HEPACAM2: variants seen among roughly 807,000 people sequenced by gnomAD.
The protein encoded by HEPACAM2 is mitotic kinetics regulator.
Under a neutral mutation model 49.6 loss-of-function variants are expected in HEPACAM2, and 49 were observed. The ratio of observed to expected loss-of-function variants is 0.99; its 90% confidence interval spans 0.78 to 1.25. HEPACAM2 has a LOEUF of 1.25. Among genes scored for constraint, HEPACAM2 ranks in the 50% most tolerant of loss-of-function variants. The pLI is 0.00. For missense variants in HEPACAM2, 525 were observed against 557.2 expected (o/e 0.94, Z 0.58); for synonymous variants, 197 against 202.9 (o/e 0.97, Z 0.25).
intron 4 of HEPACAM2, among the ~76,000 whole-genome samples, chr7:93,199,591 A>G (rs1173917121): frequency 6.6e-6 from 1 of 152,036 alleles, no homozygotes; most frequent in Non-Finnish European, 1.5e-5. Context: ...TGAAAGAGTG[A>G]CTGGCATTTA....
At chr7:93,218,979 A>G in intron 2 of HEPACAM2, 122 bp downstream of exon 2, 1 of 729,398 alleles carries the variant, frequency 1.4e-6, no homozygotes. Context: ...TGAGGCTTTG[A>G]GGATTAATTG....
rs778419540 is a variant in HEPACAM2, at chr7:93,215,631, TACTCCACA to T, written c.477_484del (p.Val160CysfsTer65). The T allele has an allele frequency of 3.1e-6, 5 of 1,613,696 alleles. No individual in the cohort carries two copies. In the South Asian group the frequency reaches 5.5e-5, roughly 18 times the overall value. On this transcript the variant is annotated frameshift_variant, in exon 3 of 10. Coordinates refer to ENST00000394468, the MANE Select transcript of HEPACAM2 (RefSeq NM_001039372.4). LOFTEE classifies it high-confidence loss of function. ...GCATGTCAGGGTCATGTTCCCCACA[TACTCCACA>T]GCCCCAGAGGGAGGATGAATCTGCA...
Position 93,189,081 on chromosome 7 carries a change from G to A in HEPACAM2, c.*186C>T, listed in dbSNP as rs1793471515. The A allele has an allele frequency of 5.7e-6, 3 of 526,180 alleles. No individual in the cohort carries two copies. The highest frequency in any genetic ancestry group is 3.4e-6 in the Non-Finnish European group (1 of 297,272). 32.6% of individuals were successfully genotyped at this position (526,180 alleles called of 1,614,324 possible). ...GTTTTTCTGTTGCACAAGACATTGT[G>A]TATATGCTGAAAAACCTGCAGTTCA... On this transcript the variant is annotated 3_prime_UTR_variant, in exon 10 of 10. Coordinates refer to ENST00000394468, the MANE Select transcript of HEPACAM2 (RefSeq NM_001039372.4).
At chr7:93,198,149 AT>A (rs1368150665) in intron 4 of HEPACAM2, among the ~76,000 whole-genome samples, 1 of 152,150 alleles carries the variant, frequency 6.6e-6, no homozygotes, top group Non-Finnish European at 1.5e-5. Flanking sequence ...AGAAATGTCA[AT>A]TCTTAAAATA....
Position 93,195,960 on chromosome 7 carries a change from TA to T in HEPACAM2, c.1202-60del, listed in dbSNP as rs1045827970. 119 of 1,195,966 alleles carry T rather than the reference TA, an allele frequency of 1.0e-4. No homozygotes were observed. In the African/African-American group the frequency reaches 1.7e-3, roughly 17 times the overall value. 74.1% of individuals were successfully genotyped at this position (1,195,966 alleles called of 1,614,324 possible). On this transcript the variant is annotated intron_variant, in intron 7 of 9. Transcript: ENST00000394468. ...AATGCCTTGATTTGCTGTTGTTTTTTAAACCTTTGTAAAACTTATCTTTATT... is the reference window on the plus strand; with the variant it reads ...AATGCCTTGATTTGCTGTTGTTTTTTAACCTTTGTAAAACTTATCTTTATT...
At chr7:93,196,029 C>T (rs532927097) in intron 7 of HEPACAM2, 128 bp from the exon 8 acceptor site, 57 of 652,722 alleles carry the variant, frequency 8.7e-5, no homozygotes, top group Middle Eastern at 3.0e-4. Context: ...TTTAACATTT[C>T]CTAATTCCTA....
At position 93,188,741 on chromosome 7, in the gene HEPACAM2, C is replaced by A; in HGVS notation, c.*526G>T. 3.2e-6 allele frequency: 1 copy of A among 317,012 alleles called. No homozygotes were observed. The highest frequency in any genetic ancestry group is 5.7e-6 in the Non-Finnish European group (1 of 175,516). 19.6% of individuals were successfully genotyped at this position (317,012 alleles called of 1,614,324 possible). A position where few individuals can be genotyped will look rare whatever the true frequency, so the allele number is the denominator to read the frequency against. On this transcript the variant is annotated 3_prime_UTR_variant, in exon 10 of 10. Transcript: ENST00000394468. ...AGAAGGCATAGTTTTGTTTTTGTGA[C>A]AACCATCCTTATTACTTTGTTGTAC...
At chr7:93,222,812 A>G (rs530818630) in intron 1 of HEPACAM2, among the ~76,000 whole-genome samples, 1 of 152,280 alleles carries the variant, frequency 6.6e-6, no homozygotes, top group East Asian at 1.9e-4. Flanking sequence ...AGCTACCTAT[A>G]TTTGAAGGTG....
At chr7:93,206,876 G>A (rs1376216059) in intron 4 of HEPACAM2, among the ~76,000 whole-genome samples, 1 of 152,020 alleles carries the variant, frequency 6.6e-6, no homozygotes, top group Non-Finnish European at 1.5e-5. Flanking sequence ...CAACCTGTAG[G>A]TTTGCGATAG....
rs368471128 is a variant in HEPACAM2 at position 93,219,455 on chromosome 7, T to C, written c.80-4A>G. The C allele has an allele frequency of 1.4e-5, 23 of 1,613,648 alleles. No homozygotes were observed. The African/African-American group carries it at 3.1e-4, about 22-fold the overall frequency. On this transcript the variant is annotated splice_region_variant and splice_polypyrimidine_tract_variant and intron_variant, in intron 1 of 9. Coordinates refer to ENST00000394468, the MANE Select transcript of HEPACAM2 (RefSeq NM_001039372.4). ...ACCTTCAGCCCCGAGCAAGCACCTG[T>C]TGCAAAGGAAAGGAAAGTTGTGAAG... is the stretch of plus-strand genomic sequence containing the variant.
chr7:93,216,857 A>T (rs574581747), intron 2 of HEPACAM2, among the ~76,000 whole-genome samples: 2 of 152,326 alleles, frequency 1.3e-5, no homozygotes, highest in African/African-American at 4.8e-5. Flanking sequence ...GGGTCAATGC[A>T]TCTTCCTCAG....
upstream of HEPACAM2, among the ~76,000 whole-genome samples, chr7:93,229,113 A>G (rs1463913241): frequency 6.6e-6 from 1 of 152,220 alleles, no homozygotes; most frequent in African/African-American, 2.4e-5. Context: ...GCCAAGGTCA[A>G]TGTAGATGCA....
intron 3 of HEPACAM2, 38 bp from the exon 4 acceptor site, chr7:93,208,914 G>A (rs200672256): frequency 3.3e-5 from 49 of 1,501,406 alleles, no homozygotes; most frequent in Non-Finnish European, 4.2e-5. Context: ...AGTAACACAA[G>A]TAATCACAAC....
chr7:93,195,897 A>G lies in HEPACAM2; in HGVS notation c.1206T>C (p.His402=). The G allele has an allele frequency of 6.2e-7, 1 of 1,610,348 alleles. No homozygotes were observed. Among genetic ancestry groups the G allele is most frequent in the South Asian group, 1.1e-5 (1 of 90,982 alleles). ...EYRKAQTFSG[H]EDALDDFGIY... is the part of the protein sequence containing the mutation. Reference sequence around the variant, plus strand: ...TTCCGAAGTCATCCAGAGCATCTTCATGGCCTGAAATGTAAAACAAATACT... The same window carrying G: ...TTCCGAAGTCATCCAGAGCATCTTCGTGGCCTGAAATGTAAAACAAATACT... Residue 402 remains histidine, a synonymous_variant, in exon 8 of 10, where the codon CAT becomes CAC. Transcript: ENST00000394468.
intron 3 of HEPACAM2, among the ~76,000 whole-genome samples, chr7:93,209,926 A>T (rs1391161148): frequency 6.6e-6 from 1 of 151,880 alleles, no homozygotes; most frequent in Non-Finnish European, 1.5e-5. Flanking sequence ...CCCACACCCC[A>T]GCTAAGATTA....
At chr7:93,226,714 A>G (rs561438052), upstream of HEPACAM2, among the ~76,000 whole-genome samples, 1 of 152,338 alleles carries the variant, frequency 6.6e-6, no homozygotes, top group African/African-American at 2.4e-5. Context: ...TTATTAAAAA[A>G]TCACATGAAG....
chr7:93,211,895 C>T (rs1055420083), intron 3 of HEPACAM2, among the ~76,000 whole-genome samples: 7 of 151,990 alleles, frequency 4.6e-5, no homozygotes, highest in Non-Finnish European at 2.9e-5. Context: ...TTTAGGTCTT[C>T]GTCTTCCCCC....
intron 9 of HEPACAM2, among the ~76,000 whole-genome samples, chr7:93,190,558 A>G (rs1019980154): frequency 6.6e-6 from 1 of 152,026 alleles, no homozygotes; most frequent in Non-Finnish European, 1.5e-5. Flanking sequence ...GGCTGGTAGC[A>G]TGAGCTGGGG....
chr7:93,194,785 A>C (rs1183866226), intron 8 of HEPACAM2, among the ~76,000 whole-genome samples: 1 of 152,158 alleles, frequency 6.6e-6, no homozygotes, highest in Non-Finnish European at 1.5e-5. Context: ...GCCCTTCCTC[A>C]AATGGACTCT....
Sources: allele counts gnomAD v4.1 joint callset (sites outside exome capture counted in the v4.1 genomes callset), GRCh38; gene constraint gnomAD v4.1.1; transcripts MANE v1.5; gene names NCBI Gene and HGNC (gene_info 2026-07-23, HGNC 2026-07-21).